WRN: variants seen among roughly 807,000 people sequenced by gnomAD.
The protein encoded by WRN is bifunctional 3'-5' exonuclease/ATP-dependent helicase WRN.
WRN carries 149 observed loss-of-function variants against 180.7 expected under a neutral mutation model. The ratio of observed to expected loss-of-function variants is 0.82; its 90% CI spans 0.72 to 0.94. The LOEUF is 0.94. Ranked by LOEUF, WRN falls within the 40% of genes least tolerant of loss-of-function variation. The pLI is 0.00. For synonymous variants in WRN, 548 were observed against 568.9 expected, an observed-to-expected ratio of 0.96 and a Z score of 0.52; for missense variants, 1,661 against 1,700.1, an observed-to-expected ratio of 0.98 and a Z score of 0.40.
intron 16 of WRN, among the ~76,000 whole-genome samples, chr8:31,093,929 T>C (rs1246895887): frequency 1.3e-5 from 2 of 152,240 alleles, no homozygotes; most frequent in African/African-American, 4.8e-5. Flanking sequence ...ATTACAGTGA[T>C]TAATAGTTCA....
chr8:31,040,959 A>G lies in WRN; in HGVS notation c.-77+6986A>G, dbSNP rs557436789. Among the ~76,000 whole-genome samples, 12 of 152,236 alleles carry G rather than the reference A, an allele frequency of 7.9e-5. No homozygotes were observed. The East Asian group carries it at 2.1e-3, about 27-fold the overall frequency. ...GTCTTTGAGTAGATGTCTTCGAGAAAATGTCTTTGAGTAGATGAGAGGTTT... is the reference window on the plus strand; with the variant it reads ...GTCTTTGAGTAGATGTCTTCGAGAAGATGTCTTTGAGTAGATGAGAGGTTT... On this transcript the variant is annotated intron_variant, in intron 1 of 34. Transcript: ENST00000298139.
Position 31,064,154 on chromosome 8 carries a change from T to C in WRN, c.210-135T>C. 3.4e-6 allele frequency: 3 copies of C among 890,372 alleles called. No homozygotes were observed. The South Asian group carries it at 5.3e-5, about 16-fold the overall frequency. The allele number at this position is 890,372 out of a possible 1,614,324, so 55.2% of individuals were successfully genotyped here. On this transcript the variant is annotated intron_variant, in intron 3 of 34. Coordinates refer to ENST00000298139, the MANE Select transcript of WRN (RefSeq NM_000553.6). ...AGAAATTTTACATATTTTCTGGCTGTTCATTGTCAGTTGTATGTGCTCCAG... is the reference window on the plus strand; with the variant it reads ...AGAAATTTTACATATTTTCTGGCTGCTCATTGTCAGTTGTATGTGCTCCAG...
At chr8:31,102,490 A>C (rs907347629) in intron 18 of WRN, among the ~76,000 whole-genome samples, 2 of 152,210 alleles carry the variant, frequency 1.3e-5, no homozygotes, top group Non-Finnish European at 2.9e-5. Flanking sequence ...CCTAGGCTAT[A>C]TGATAGAGCC....
chr8:31,066,911 C>T lies in WRN; in HGVS notation c.505-122C>T, dbSNP rs889366423. On this transcript the variant is annotated intron_variant, in intron 5 of 34. Transcript: ENST00000298139. ...TGACAGGGAATTTGTTGAAGGCTATCTGTGGGTTGTATTTTGGTATAACAT... is the reference window on the plus strand; with the variant it reads ...TGACAGGGAATTTGTTGAAGGCTATTTGTGGGTTGTATTTTGGTATAACAT... 29 of 1,188,662 alleles carry T rather than the reference C, an allele frequency of 2.4e-5. No homozygotes were observed. The African/African-American group carries it at 3.9e-4, about 16-fold the overall frequency. 73.6% of individuals were successfully genotyped at this position (1,188,662 alleles called of 1,614,324 possible).
intron 19 of WRN, among the ~76,000 whole-genome samples, chr8:31,112,946 C>A (rs1460505502): frequency 1.3e-5 from 2 of 151,872 alleles, no homozygotes; most frequent in African/African-American, 4.8e-5. Context: ...TGTCTCACAC[C>A]CAGAATCCCA....
At chr8:31,139,404 A>T (rs1194632551) in intron 24 of WRN, among the ~76,000 whole-genome samples, 3 of 152,218 alleles carry the variant, frequency 2.0e-5, no homozygotes, top group African/African-American at 7.2e-5. Flanking sequence ...TAGTGAATTT[A>T]AGTAGAAAGG....
chr8:31,153,089 G>T (rs1027127521), intron 31 of WRN, among the ~76,000 whole-genome samples: 1 of 152,046 alleles, frequency 6.6e-6, no homozygotes, highest in African/African-American at 2.4e-5. Flanking sequence ...AGGTGAGCTG[G>T]CTTCCTGTAT....
rs1432031007 is a variant in WRN at position 31,167,131 on chromosome 8, A to G, written c.4092A>G (p.Gln1364=). 5.6e-6 allele frequency: 9 copies of G among 1,613,282 alleles called. No homozygotes were observed. The highest frequency in any genetic ancestry group is 5.9e-6 in the Non-Finnish European group (7 of 1,179,538). Residue 1364 remains glutamine (Q), a synonymous_variant, in exon 34 of 35, where the codon CAA becomes CAG. Coordinates refer to ENST00000298139, the MANE Select transcript of WRN (RefSeq NM_000553.6). The part of the protein sequence containing the change: ...ILKHGPDSGL[Q]PSCDVNKRRC... ...AACATGGTCCTGACAGCGGACTTCA[A>G]CCTTCATGTGATGTCAACAAAAGGA...
At chr8:31,142,575 T>TA (rs1802684873) in intron 26 of WRN, 51 bp from the exon 27 acceptor site, 1 of 1,349,072 alleles carries the variant, frequency 7.4e-7, no homozygotes, top group Non-Finnish European at 1.0e-6. Flanking sequence ...ATTCATGAAT[T>TA]AGATACTTGC....
At chr8:31,153,326 G>T (rs771708295) in intron 31 of WRN, among the ~76,000 whole-genome samples, 15 of 152,146 alleles carry the variant, frequency 9.9e-5, no homozygotes, top group Non-Finnish European at 2.2e-4. Flanking sequence ...GGACTGAAAT[G>T]CTGGCCTAGA....
intron 9 of WRN, among the ~76,000 whole-genome samples, chr8:31,083,080 C>T (rs888350920): frequency 6.6e-6 from 1 of 151,694 alleles, no homozygotes; most frequent in Non-Finnish European, 1.5e-5. Flanking sequence ...GGTTTTCTTT[C>T]TATGGATTTT....
rs1003827560 is a variant in WRN at position 31,105,619 on chromosome 8, CCTAG to C, written c.2088+4668_2088+4671del. The stretch of plus-strand genomic sequence containing the variant: ...AGGATTATAGGTACGTGCCACCATG[CCTAG>C]CTAATTTTGTATTTTTAGTAGAGAT... On this transcript the variant is annotated intron_variant, in intron 18 of 34. Coordinates refer to ENST00000298139, the MANE Select transcript of WRN (RefSeq NM_000553.6). Among the ~76,000 whole-genome samples the C allele has an allele frequency of 2.5e-4, 38 of 152,234 alleles. 1 individual carries two copies. Among genetic ancestry groups the C allele is most frequent in the African/African-American group, 8.9e-4 (37 of 41,534 alleles).
rs1803468813 is a variant in WRN, at chr8:31,158,279, G to A, written c.3982+749G>A. Among the ~76,000 whole-genome samples the A allele has an allele frequency of 2.0e-5, 3 of 152,130 alleles. No individual in the cohort carries two copies. The South Asian group carries it at 6.2e-4, about 32-fold the overall frequency. On this transcript the variant is annotated intron_variant, in intron 33 of 34. Transcript: ENST00000298139. ...CATTGGTATCAGTTACTGTGACATG[G>A]AAGGGACAGACCAAGTTCTGTGGGC...
At chr8:31,097,193 G>A (rs1339719264) in intron 17 of WRN, among the ~76,000 whole-genome samples, 3 of 152,166 alleles carry the variant, frequency 2.0e-5, no homozygotes, top group Non-Finnish European at 2.9e-5. Flanking sequence ...ATTGTTGAAT[G>A]AATGTTGAAT....
At chr8:31,137,320 TG>T (rs1257336383) in intron 24 of WRN, among the ~76,000 whole-genome samples, 2 of 152,188 alleles carry the variant, frequency 1.3e-5, no homozygotes, top group East Asian at 3.8e-4. Flanking sequence ...GGTTTTTTTA[TG>T]CTTATGAAAG....
intron 1 of WRN, among the ~76,000 whole-genome samples, chr8:31,044,681 A>G (rs1811793379): frequency 6.6e-6 from 1 of 152,158 alleles, no homozygotes; most frequent in African/African-American, 2.4e-5. Context: ...TTGAAATTTA[A>G]ACTACCACTG....
At chr8:31,062,361 AATAG>A (rs1812519501) in intron 3 of WRN, among the ~76,000 whole-genome samples, 1 of 151,774 alleles carries the variant, frequency 6.6e-6, no homozygotes, top group Non-Finnish European at 1.5e-5. Flanking sequence ...ATAACAATAT[AATAG>A]ATATGCATAT....
intron 3 of WRN, among the ~76,000 whole-genome samples, chr8:31,060,355 C>T (rs1812442932): frequency 6.6e-6 from 1 of 152,076 alleles, no homozygotes; most frequent in Non-Finnish European, 1.5e-5. Flanking sequence ...TTGCTTGAGC[C>T]CAGGAGTTTG....
intron 27 of WRN, 67 bp from the exon 28 acceptor site, chr8:31,143,482 CT>C: frequency 2.7e-6 from 3 of 1,099,528 alleles, no homozygotes; most frequent in Non-Finnish European, 4.0e-6. Context: ...ATTTTTGTTT[CT>C]TATTTTCTTC....
Sources: gnomAD v4.1 joint callset for allele counts (sites outside exome capture counted in the v4.1 genomes callset) on GRCh38, gnomAD v4.1.1 for gene constraint, MANE v1.5 for transcripts, NCBI Gene and HGNC (gene_info 2026-07-23, HGNC 2026-07-21) for gene names.